NAALADL1: variants seen among roughly 807,000 people sequenced by gnomAD.
NAALADL1 encodes aminopeptidase NAALADL1.
A neutral mutation model predicts 82.8 loss-of-function variants in NAALADL1; 77 were observed. The observed-to-expected ratio is 0.93, with a 90% CI of 0.77 to 1.12. The LOEUF (loss-of-function observed/expected upper bound fraction) is 1.12. NAALADL1 is among the 50% of genes most tolerant of loss of function. The pLI is 0.00. For missense variants in NAALADL1, 956 were observed against 964.0 expected (o/e 0.99, Z 0.11); for synonymous variants, 358 against 399.2 (o/e 0.90, Z 1.23).
In NAALADL1 at chr11:65,054,202, G is replaced by T. The variant is rs1265105470; in HGVS notation, c.992+48C>A. On this transcript the variant is annotated intron_variant, in intron 6 of 17. Transcript: ENST00000358658. The surrounding 1 kb of genome is among the most constrained non-coding windows in gnomAD (Gnocchi z 4.3). The stretch of plus-strand genomic sequence containing the variant: ...CATCACAAGGGAAGGGGAGAGGCGA[G>T]TTGGGGGAGAGGGCAACTGAGGGAG... 2 of 1,516,164 alleles carry T rather than the reference G, an allele frequency of 1.3e-6. No homozygotes were observed. The highest frequency in any genetic ancestry group is 1.2e-5 in the South Asian group (1 of 86,472). 93.9% of individuals were successfully genotyped at this position (1,516,164 alleles called of 1,614,324 possible). A position where few individuals can be genotyped will look rare whatever the true frequency, so the allele number is the denominator to read the frequency against.
At chr11:65,059,865 G>T (rs1565254939), upstream of NAALADL1, among the ~76,000 whole-genome samples, 1 of 152,208 alleles carries the variant, frequency 6.6e-6, no homozygotes, top group Non-Finnish European at 1.5e-5. Context: ...ATCTGAGGGG[G>T]TCCTCCAAGG....
Position 65,044,927 on chromosome 11 carries a change from C to G in NAALADL1, c.*344G>C. On this transcript the variant is annotated 3_prime_UTR_variant, in exon 18 of 18. Transcript: ENST00000358658. This position sits in a 1 kb window ranked among gnomAD's most constrained non-coding sequence, Gnocchi z 4.0. The stretch of plus-strand genomic sequence containing the variant: ...GCAGACTAGCCAAGGCCTAAGGTAC[C>G]CCAAGACTCACTTTCGCCACTGGTC... 1 of 685,828 alleles carries G rather than the reference C, an allele frequency of 1.5e-6. No individual in the cohort carries two copies. Among genetic ancestry groups the G allele is most frequent in the Non-Finnish European group, 2.4e-6 (1 of 418,312 alleles). 42.5% of individuals were successfully genotyped at this position (685,828 alleles called of 1,614,324 possible). A position where few individuals can be genotyped will look rare whatever the true frequency, so the allele number is the denominator to read the frequency against.
chr11:65,059,434 C>T (rs1257385858), upstream of NAALADL1, among the ~76,000 whole-genome samples: 1 of 152,162 alleles, frequency 6.6e-6, no homozygotes. Flanking sequence ...AATGTAAGGC[C>T]TAGAGCTAAA....
Position 65,058,351 on chromosome 11 carries a change from G to C in NAALADL1, c.171C>G (p.Ile57Met). ...TVMGQLDAHR[I>M]RENLRELSRE... ...CCACTTCTCACCTGAGGTTCTCCCG[G>C]ATCCTGTGGGCATCCAGCTGCCCCA... Residue 57 changes from isoleucine to methionine, a missense_variant, in exon 1 of 18, where the codon ATC (isoleucine) becomes ATG (methionine). Coordinates refer to ENST00000358658, the MANE Select transcript of NAALADL1 (RefSeq NM_005468.3). The C allele has an allele frequency of 6.2e-7, 1 of 1,614,152 alleles. No homozygotes were observed. Among genetic ancestry groups the C allele is most frequent in the Non-Finnish European group, 8.5e-7 (1 of 1,180,006 alleles).
At chr11:65,059,286 A>C (rs1438549402), upstream of NAALADL1, among the ~76,000 whole-genome samples, 1 of 152,206 alleles carries the variant, frequency 6.6e-6, no homozygotes, top group African/African-American at 2.4e-5. Context: ...TGCTGGGATG[A>C]CAGGAGTGAG....
rs748635592 is a variant in NAALADL1, at chr11:65,053,310, C to A, written c.1106G>T (p.Arg369Leu). ...CACAGCCCCGTGCACCCAGCTGTCT[C>A]GGTGGTTCCCATACAGCACGTAGCG... is the stretch of plus-strand genomic sequence containing the variant. ...PDRYVLYGNH[R>L]DSWVHGAVDP... Residue 369 changes from arginine to leucine, a missense_variant, in exon 8 of 18, where the codon CGA becomes CTA. Transcript: ENST00000358658. This position sits in a 1 kb window ranked among gnomAD's most constrained non-coding sequence, Gnocchi z 4.3. 1.3e-6 allele frequency: 2 copies of A among 1,564,332 alleles called. No homozygotes were observed. Among genetic ancestry groups the A allele is most frequent in the East Asian group, 4.7e-5 (2 of 42,110 alleles).
In NAALADL1 at chr11:65,053,599, G is replaced by T. The variant is rs1459068715; in HGVS notation, c.993-23C>A. On this transcript the variant is annotated intron_variant, in intron 6 of 17. Transcript: ENST00000358658. The surrounding 1 kb of genome is among the most constrained non-coding windows in gnomAD (Gnocchi z 4.3). ...TGGCTGGGGAGGGTGAAGGGTGTGA[G>T]AAGACTCTTGGCCTTGCCCACTGCC... The T allele has an allele frequency of 1.9e-6, 3 of 1,568,818 alleles. No homozygotes were observed. Among genetic ancestry groups the T allele is most frequent in the Non-Finnish European group, 2.6e-6 (3 of 1,154,944 alleles).
At chr11:65,050,106 C>G (rs547093926) in intron 8 of NAALADL1, among the ~76,000 whole-genome samples, 2 of 151,636 alleles carry the variant, frequency 1.3e-5, no homozygotes, top group South Asian at 2.1e-4. Context: ...GAACTCCTGA[C>G]CTCAGGTGAT....
Position 65,058,485 on chromosome 11 carries a change from C to CCCCAG in NAALADL1, c.36_37insCTGGG (p.Ala13LeufsTer127). 2 of 1,610,058 alleles carry CCCCAG rather than the reference C, an allele frequency of 1.2e-6. No homozygotes were observed. The highest frequency in any genetic ancestry group is 1.3e-5 in the African/African-American group (1 of 74,728). On this transcript the variant is annotated frameshift_variant, in exon 1 of 18. Coordinates refer to ENST00000358658, the MANE Select transcript of NAALADL1 (RefSeq NM_005468.3). LOFTEE classifies it high-confidence loss of function. ...ATCCCCAGCCCCAAGAGGGCAGCAG[C>CCCCAG]CCCCAGCCCCAGCCCCAACACCTTC...
chr11:65,054,826 C>A lies in NAALADL1; in HGVS notation c.604-88G>T. 1.4e-6 allele frequency: 2 copies of A among 1,454,664 alleles called. No individual in the cohort carries two copies. The highest frequency in any genetic ancestry group is 1.8e-6 in the Non-Finnish European group (2 of 1,086,354). 90.1% of individuals were successfully genotyped at this position (1,454,664 alleles called of 1,614,324 possible). A position where few individuals can be genotyped will look rare whatever the true frequency, so the allele number is the denominator to read the frequency against. On this transcript the variant is annotated intron_variant, in intron 4 of 17. Transcript: ENST00000358658. The surrounding 1 kb of genome is among the most constrained non-coding windows in gnomAD (Gnocchi z 4.3). ...CTTCCTCCTTCCTCGACTGTGGAAG[C>A]CAGGATAGACCAATCTTCCATGGGC...
chr11:65,048,351 C>T lies in NAALADL1; in HGVS notation c.1233G>A (p.Ala411=), dbSNP rs1218132293. The T allele has an allele frequency of 6.2e-7, 1 of 1,614,174 alleles. No individual in the cohort carries two copies. Among genetic ancestry groups the T allele is most frequent in the Non-Finnish European group, 8.5e-7 (1 of 1,180,024 alleles). Reference sequence around the variant, plus strand: ...GCCCAAACTCCTCAGCCCCCCAGCTCGCAAACACGATTGATCTGCGAGGAC... The same window carrying T: ...GCCCAAACTCCTCAGCCCCCCAGCTTGCAAACACGATTGATCTGCGAGGAC... ...TWRPRRSIVF[A]SWGAEEFGLI... Residue 411 remains alanine, a synonymous_variant, in exon 9 of 18, where the codon GCG becomes GCA. Transcript: ENST00000358658.
In NAALADL1 at chr11:65,046,351, G is replaced by A. The variant is rs1180300758; in HGVS notation, c.1693C>T (p.His565Tyr). The change falls in exon 15 of 18, where the codon CAT becomes TAT. Residue 565 changes from histidine (H) to tyrosine (Y), a missense_variant. Physicochemically the swap from His to Tyr is moderately conservative, Grantham distance 83 (BLOSUM62 2). Coordinates refer to ENST00000358658, the MANE Select transcript of NAALADL1 (RefSeq NM_005468.3). The stretch of plus-strand genomic sequence containing the variant: ...CCCGCTGTCCGGGCCACAGCCTGAT[G>A]GCTGCTGAAGCCTGCGGCAAGGTGA... ...DKFLDPGFSS[H>Y]QAVARTAGSV... 1.9e-6 allele frequency: 3 copies of A among 1,614,240 alleles called. No homozygotes were observed. The highest frequency in any genetic ancestry group is 1.7e-6 in the Non-Finnish European group (2 of 1,180,048).
rs755419079 is a variant in NAALADL1, at chr11:65,057,506, G to A, written c.481-13C>T. ...AGACGAGGAGGCCCTAGTCCCAAGA[G>A]GGGGTGATCCTTAGAGCTGGGCCCA... On this transcript the variant is annotated splice_polypyrimidine_tract_variant and intron_variant, in intron 3 of 17. Transcript: ENST00000358658. 31 of 1,610,756 alleles carry A rather than the reference G, an allele frequency of 1.9e-5. No homozygotes were observed. The highest frequency in any genetic ancestry group is 3.3e-4 in the Middle Eastern group (2 of 6,032).
At position 65,054,288 on chromosome 11, in the gene NAALADL1, A is replaced by G. The variant is rs1238005037; in HGVS notation, c.954T>C (p.Gly318=). The G allele has an allele frequency of 1.9e-6, 3 of 1,614,108 alleles. No homozygotes were observed. In the Admixed American group the frequency reaches 5.0e-5, roughly 27 times the overall value. ...AGTCTCCGTCAGGCCGGAAGCCGGG[A>G]CCCAACCTGTAGTGGCAGCCCAGTG... The part of the protein sequence containing the change: ...QGALGCHYRL[G]PGFRPDGDFP... The change falls in exon 6 of 18, where the codon GGT becomes GGC. Residue 318 remains glycine, a synonymous_variant. Transcript: ENST00000358658. The surrounding 1 kb of genome is among the most constrained non-coding windows in gnomAD (Gnocchi z 4.3).
chr11:65,045,506 GA>G lies in NAALADL1; in HGVS notation c.2037-50del, dbSNP rs1335757771. The G allele has an allele frequency of 4.6e-6, 7 of 1,526,080 alleles. No individual in the cohort carries two copies. In the South Asian group the frequency reaches 7.6e-5, roughly 17 times the overall value. The allele number at this position is 1,526,080 out of a possible 1,614,324, so 94.5% of individuals were successfully genotyped here. A position where few individuals can be genotyped will look rare whatever the true frequency, so the allele number is the denominator to read the frequency against. On this transcript the variant is annotated intron_variant, in intron 17 of 17. Coordinates refer to ENST00000358658, the MANE Select transcript of NAALADL1 (RefSeq NM_005468.3). ...TCAGGGTCAGTCAGTCAGGGGCCAG[GA>G]AAGAGAAGCCTGGGCCTAGAACTGG...
At chr11:65,047,592 A>C in intron 12 of NAALADL1, 27 bp from the exon 13 acceptor site, 1 of 1,576,258 alleles carries the variant, frequency 6.3e-7, no homozygotes, top group Non-Finnish European at 8.6e-7. Context: ...GGCCGGGATA[A>C]AGAGCGCTGG....
chr11:65,054,774 G>T lies in NAALADL1; in HGVS notation c.604-36C>A. On this transcript the variant is annotated intron_variant, in intron 4 of 17. Transcript: ENST00000358658. This position sits in a 1 kb window ranked among gnomAD's most constrained non-coding sequence, Gnocchi z 4.3. ...CAGAGGAGGCTGTGTGTAAGGGAGG[G>T]ACCGGGACCAGATATGTCCTATTCC... 1.3e-6 allele frequency: 2 copies of T among 1,599,992 alleles called. No homozygotes were observed. Among genetic ancestry groups the T allele is most frequent in the Non-Finnish European group, 1.7e-6 (2 of 1,173,350 alleles).
chr11:65,055,360 C>T (rs948058262), intron 4 of NAALADL1, among the ~76,000 whole-genome samples: 1 of 152,184 alleles, frequency 6.6e-6, no homozygotes, highest in East Asian at 1.9e-4. Context: ...TCGCCTGAAC[C>T]TGGGAGGTGG....
At position 65,054,485 on chromosome 11, in the gene NAALADL1, A is replaced by G; in HGVS notation, c.857T>C (p.Ile286Thr). 1 of 1,614,132 alleles carries G rather than the reference A, an allele frequency of 6.2e-7. No homozygotes were observed. The highest frequency in any genetic ancestry group is 1.1e-5 in the South Asian group (1 of 91,072). Residue 286 changes from isoleucine (I) to threonine (T), a missense_variant, in exon 5 of 18, where the codon ATT becomes ACT. Transcript: ENST00000358658. This position sits in a 1 kb window ranked among gnomAD's most constrained non-coding sequence, Gnocchi z 4.3. ...CAGGTCTCTTGCATCCTGGAAGCCA[A>G]TGGGCTGTGTAGGAATTGGGGGAAA... ...SGFPPIPTQPIGFQDARDLLC... is the reference protein window; with the variant it reads ...SGFPPIPTQPTGFQDARDLLC...
Sources: allele counts gnomAD v4.1 joint callset (sites outside exome capture counted in the v4.1 genomes callset), GRCh38; gene constraint gnomAD v4.1.1; non-coding constraint Gnocchi (gnomAD v3.1); transcripts MANE v1.5; gene names NCBI Gene and HGNC (gene_info 2026-07-23, HGNC 2026-07-21).